S100A16: variants seen among roughly 807,000 people sequenced by gnomAD.
S100A16 encodes the protein S100 calcium binding protein A16.
In S100A16, 8 loss-of-function variants were observed where a neutral mutation model predicts 9.0. That is an observed-to-expected ratio of 0.89 (90% CI 0.52 to 1.60). The LOEUF (loss-of-function observed/expected upper bound fraction) is 1.60, where lower values mean the gene tolerates loss of function less well. Among genes scored for constraint, S100A16 ranks in the 40% most tolerant of loss-of-function variants. The probability of loss-of-function intolerance (pLI) is 0.00; values close to 1 mark genes in which losing one functional copy is unlikely to be tolerated. For missense variants in S100A16, 138 were observed against 132.4 expected (o/e 1.04, Z -0.21); for synonymous variants, 51 against 51.4 (o/e 0.99, Z 0.04).
Position 153,607,626 on chromosome 1 carries a change from T to C in S100A16, c.220A>G (p.Ile74Val), listed in dbSNP as rs1380522969. 1 of 1,614,184 alleles carries C rather than the reference T, an allele frequency of 6.2e-7. No individual in the cohort carries two copies. Among genetic ancestry groups the C allele is most frequent in the Non-Finnish European group, 8.5e-7 (1 of 1,180,006 alleles). The change falls in exon 3 of 3, where the codon ATC becomes GTC. Residue 74 changes from isoleucine to valine, a missense_variant. By Grantham distance (29) the Ile-to-Val change is conservative. Transcript: ENST00000368706. ...QNLDANHDGR[I>V]SFDEYWTLIG... Reference sequence around the variant, plus strand: ...AAGGTCCAGTACTCATCGAAGCTGATGCGCCCATCATGATTGGCATCCAGG... The same window carrying C: ...AAGGTCCAGTACTCATCGAAGCTGACGCGCCCATCATGATTGGCATCCAGG...
At position 153,611,917 on chromosome 1, in the gene S100A16, T is replaced by TCACACACACACACACA. The variant is rs55729519; in HGVS notation, c.-27+1019_-27+1034dup. Among the ~76,000 whole-genome samples the TCACACACACACACACA allele has an allele frequency of 6.7e-3, 937 of 140,892 alleles. 13 individuals are homozygous for TCACACACACACACACA. Among genetic ancestry groups the TCACACACACACACACA allele is most frequent in the Non-Finnish European group, 0.011 (712 of 65,304 alleles). 92.4% of individuals were successfully genotyped at this position (140,892 alleles called of 152,430 possible). On this transcript the variant is annotated intron_variant, in intron 1 of 2. Coordinates refer to ENST00000368706, the MANE Select transcript of S100A16 (RefSeq NM_080388.3). ...GCGTCTAACTCTCTTTGTCTCTCTC[T>TCACACACACACACACA]CACACACACACACACACACACACAC... is the stretch of plus-strand genomic sequence containing the variant.
intron 1 of S100A16, among the ~76,000 whole-genome samples, chr1:153,609,837 A>G (rs925040356): frequency 1.1e-4 from 16 of 152,090 alleles, no homozygotes; most frequent in African/African-American, 3.9e-4. Context: ...GAAGGGTGGG[A>G]CCAGGAGGGA....
At chr1:153,611,952 C>CA (rs3222904) in intron 1 of S100A16, among the ~76,000 whole-genome samples, 1 of 150,138 alleles carries the variant, frequency 6.7e-6, no homozygotes, top group Non-Finnish European at 1.5e-5. Context: ...CACACACACA[C>CA]CGAGCAAGGA....
intron 1 of S100A16, among the ~76,000 whole-genome samples, chr1:153,609,508 C>T (rs1666787072): frequency 6.6e-6 from 1 of 152,246 alleles, no homozygotes; most frequent in African/African-American, 2.4e-5. Flanking sequence ...CTGGCTGGGG[C>T]CCACTAACTG....
chr1:153,608,452 G>A (rs768969401), intron 1 of S100A16: 5 of 395,250 alleles, frequency 1.3e-5, no homozygotes, highest in Non-Finnish European at 2.3e-5. Flanking sequence ...CCAGCCCTAG[G>A]GAGCAAGATC....
At position 153,611,917 on chromosome 1, in the gene S100A16, T is replaced by TCTCACACACACACACACA. The variant is rs745663701; in HGVS notation, c.-27+1034_-27+1035insTGTGTGTGTGTGTGTGAG. Among the ~76,000 whole-genome samples, 3 of 140,906 alleles carry TCTCACACACACACACACA rather than the reference T, an allele frequency of 2.1e-5. No individual in the cohort carries two copies. In the East Asian group the frequency reaches 6.5e-4, roughly 31 times the overall value. The allele number at this position is 140,906 out of a possible 152,430, so 92.4% of individuals were successfully genotyped here. ...GCGTCTAACTCTCTTTGTCTCTCTC[T>TCTCACACACACACACACA]CACACACACACACACACACACACAC... On this transcript the variant is annotated intron_variant, in intron 1 of 2. Transcript: ENST00000368706.
intron 1 of S100A16, 97 bp from the exon 2 acceptor site, chr1:153,608,274 C>T (rs1666747701): frequency 9.8e-7 from 1 of 1,017,074 alleles, no homozygotes; most frequent in Admixed American, 2.4e-5. Flanking sequence ...CTCCTCCTGC[C>T]TTGTTTCTGG....
intron 1 of S100A16, among the ~76,000 whole-genome samples, chr1:153,609,952 C>G (rs1350215842): frequency 6.6e-6 from 1 of 152,186 alleles, no homozygotes; most frequent in Non-Finnish European, 1.5e-5. Context: ...CCTGCCCAAA[C>G]CCTCTGGTCC....
chr1:153,611,197 A>T (rs1666828823), intron 1 of S100A16, among the ~76,000 whole-genome samples: 1 of 117,060 alleles, frequency 8.5e-6, no homozygotes, highest in Admixed American at 1.1e-4. Flanking sequence ...AATTGCCCTG[A>T]CTCCATGCCC....
At chr1:153,608,326 G>C (rs1478021671) in intron 1 of S100A16, 149 bp from the exon 2 acceptor site, 7 of 641,208 alleles carry the variant, frequency 1.1e-5, no homozygotes. Context: ...AACAGAGTGG[G>C]TGGGGGAGAG....
At chr1:153,611,910 C>G (rs1557914786) in intron 1 of S100A16, among the ~76,000 whole-genome samples, 1 of 127,710 alleles carries the variant, frequency 7.8e-6, no homozygotes, top group Non-Finnish European at 1.6e-5. Flanking sequence ...CTCTCTTTGT[C>G]TCTCTCTCAC....
intron 1 of S100A16, among the ~76,000 whole-genome samples, chr1:153,610,073 A>G (rs1354565004): frequency 6.6e-6 from 1 of 152,190 alleles, no homozygotes; most frequent in Non-Finnish European, 1.5e-5. Flanking sequence ...CCGCTGCAAG[A>G]CTTTCATACA....
chr1:153,609,085 C>CG, intron 1 of S100A16: 1 of 985,746 alleles, frequency 1.0e-6, no homozygotes, highest in Non-Finnish European at 1.2e-6. Flanking sequence ...CTGTGAGTCA[C>CG]GGCCCATGCC....
chr1:153,611,919 A>T (rs28715621), intron 1 of S100A16, among the ~76,000 whole-genome samples: 13,961 of 108,908 alleles, frequency 0.13, 811 homozygotes, highest in Non-Finnish European at 0.16. Context: ...TCTCTCTCTC[A>T]CACACACACA....
At chr1:153,608,935 G>A (rs1036808714) in intron 1 of S100A16, 3 of 985,980 alleles carry the variant, frequency 3.0e-6, no homozygotes, top group Non-Finnish European at 3.6e-6. Flanking sequence ...AGCCCAGCTG[G>A]AGTCGGACTC....
chr1:153,608,442 C>A (rs1363065807), intron 1 of S100A16: 1 of 421,682 alleles, frequency 2.4e-6, no homozygotes, highest in East Asian at 4.5e-5. Context: ...GCACCAGGTT[C>A]CAGCCCTAGG....
rs191005436 is a variant in S100A16 at position 153,609,163 on chromosome 1, T to C, written c.-26-986A>G. The C allele has an allele frequency of 7.2e-4, 714 of 984,928 alleles. 3 individuals carry two copies. The African/African-American group carries it at 0.012, about 16-fold the overall frequency. The allele number at this position is 984,928 out of a possible 1,614,324, so 61.0% of individuals were successfully genotyped here. A position where few individuals can be genotyped will look rare whatever the true frequency, so the allele number is the denominator to read the frequency against. ...CCCACCCCCAAGCCCAGGAATGTGC[T>C]CCAGTCACCCTCACCCGGCGGGTCC... On this transcript the variant is annotated intron_variant, in intron 1 of 2. Coordinates refer to ENST00000368706, the MANE Select transcript of S100A16 (RefSeq NM_080388.3).
rs542271637 is a variant in S100A16 at position 153,609,274 on chromosome 1, C to T, written c.-26-1097G>A. On this transcript the variant is annotated intron_variant, in intron 1 of 2. Coordinates refer to ENST00000368706, the MANE Select transcript of S100A16 (RefSeq NM_080388.3). ...GTCAGATTTGGAAGGAAAGGCTGCT[C>T]GGTCAGGCCCCACCACAGCCTCCTG... 50 of 985,716 alleles carry T rather than the reference C, an allele frequency of 5.1e-5. No individual in the cohort carries two copies. In the East Asian group the frequency reaches 6.8e-4, roughly 13 times the overall value. 61.1% of individuals were successfully genotyped at this position (985,716 alleles called of 1,614,324 possible).
In S100A16 at chr1:153,609,567, C is replaced by A. The variant is rs553781994; in HGVS notation, c.-26-1390G>T. Among the ~76,000 whole-genome samples, 3 of 152,328 alleles carry A rather than the reference C, an allele frequency of 2.0e-5. No individual in the cohort carries two copies. In the South Asian group the frequency reaches 6.2e-4, roughly 32 times the overall value. The stretch of plus-strand genomic sequence containing the variant: ...GTCCTGTCTTGTTCCTTGAGACAAG[C>A]ATAGTTTTTCTTACACATGGCCAAT... On this transcript the variant is annotated intron_variant, in intron 1 of 2. Coordinates refer to ENST00000368706, the MANE Select transcript of S100A16 (RefSeq NM_080388.3).
Sources: gnomAD v4.1 joint callset for allele counts (sites outside exome capture counted in the v4.1 genomes callset) on GRCh38, gnomAD v4.1.1 for gene constraint, MANE v1.5 for transcripts, NCBI Gene and HGNC (gene_info 2026-07-23, HGNC 2026-07-21) for gene names.